The following SREBF2 variants were observed in gnomAD, a reference collection of about 807,000 sequenced individuals.
SREBF2 encodes sterol regulatory element binding transcription factor 2, also known as sterol regulatory element-binding protein 2.
A neutral mutation model predicts 113.1 loss-of-function variants in SREBF2; 55 were observed. The ratio of observed to expected loss-of-function variants is 0.49; its 90% CI spans 0.39 to 0.61. SREBF2 has a LOEUF of 0.61. Ranked by LOEUF, SREBF2 falls within the 20% of genes least tolerant of loss-of-function variation. The probability of loss-of-function intolerance (pLI) is 0.00; values close to 1 mark genes in which losing one functional copy is unlikely to be tolerated. For synonymous variants in SREBF2, 593 were observed against 605.7 expected, an observed-to-expected ratio of 0.98 and a Z score of 0.31; for missense variants, 1,349 against 1,487.4, an observed-to-expected ratio of 0.91 and a Z score of 1.53.
chr22:41,858,588 A>G (rs985903001), intron 1 of SREBF2, among the ~76,000 whole-genome samples: 24 of 152,102 alleles, frequency 1.6e-4, no homozygotes, highest in Non-Finnish European at 2.9e-4. Flanking sequence ...CTTACAAATA[A>G]AAAATAAAAA....
At chr22:41,867,485 C>G (rs1024216908) in intron 2 of SREBF2, among the ~76,000 whole-genome samples, 1 of 152,160 alleles carries the variant, frequency 6.6e-6, no homozygotes, top group African/African-American at 2.4e-5. Flanking sequence ...ATATCTATTG[C>G]GCCTAATTCA....
At chr22:41,897,226 C>T in intron 14 of SREBF2, 65 bp downstream of exon 14, 1 of 1,120,608 alleles carries the variant, frequency 8.9e-7, no homozygotes, top group Non-Finnish European at 1.3e-6. Flanking sequence ...GTGCTTTTGC[C>T]CCAGGGGTCC....
At chr22:41,900,645 G>C (rs1602350020) in intron 16 of SREBF2, 147 bp downstream of exon 16, 2 of 812,456 alleles carry the variant, frequency 2.5e-6, no homozygotes, top group East Asian at 5.4e-5. Flanking sequence ...AAAAGTTACG[G>C]CTTATTGGCC....
intron 16 of SREBF2, among the ~76,000 whole-genome samples, chr22:41,901,412 G>A (rs913754523): frequency 6.6e-6 from 1 of 152,216 alleles, no homozygotes; most frequent in Non-Finnish European, 1.5e-5. Context: ...TGTAATCCCA[G>A]CACTTTGGGA....
chr22:41,891,338 A>G (rs2077360457), intron 11 of SREBF2: 1 of 152,196 alleles, frequency 6.6e-6, no homozygotes, highest in Admixed American at 6.5e-5. Context: ...ATCCAGTATC[A>G]ACACTGGTTA....
chr22:41,890,741 C>G (rs1488024544), intron 11 of SREBF2, among the ~76,000 whole-genome samples: 2 of 151,186 alleles, frequency 1.3e-5, no homozygotes, highest in African/African-American at 4.9e-5. Flanking sequence ...AACCCTGTCT[C>G]TACTAAAAAT....
intron 4 of SREBF2, 21 bp downstream of exon 4, chr22:41,871,056 C>A (rs773022201): frequency 1.9e-6 from 3 of 1,613,846 alleles, no homozygotes; most frequent in African/African-American, 2.7e-5. Context: ...CCTTCTCCCC[C>A]ACCCTCCTCC....
At chr22:41,881,544 C>A (rs369702463) in intron 10 of SREBF2, among the ~76,000 whole-genome samples, 4 of 152,324 alleles carry the variant, frequency 2.6e-5, no homozygotes, top group African/African-American at 9.6e-5. Context: ...AGGTCACCAG[C>A]TCTGCAGGAG....
chr22:41,837,920 T>TA (rs1279847332), intron 1 of SREBF2, among the ~76,000 whole-genome samples: 9 of 150,586 alleles, frequency 6.0e-5, no homozygotes, highest in Non-Finnish European at 1.0e-4. Flanking sequence ...TTGGCTCATT[T>TA]AAAAAAAAAG....
At position 41,907,199 on chromosome 22, in the gene SREBF2, G is replaced by C. The variant is rs2077517012; in HGVS notation, c.*1539G>C. The C allele has an allele frequency of 6.6e-6, 1 of 152,218 alleles. No homozygotes were observed. Among genetic ancestry groups the C allele is most frequent in the Admixed American group, 6.5e-5 (1 of 15,274 alleles). 9.4% of individuals were successfully genotyped at this position (152,218 alleles called of 1,614,324 possible). A position where few individuals can be genotyped will look rare whatever the true frequency, so the allele number is the denominator to read the frequency against. ...TCACTATTGTTTGGGTGTGGGAGGG[G>C]GTGGTTTTTCACTGAAAAGGGGGGT... On this transcript the variant is annotated 3_prime_UTR_variant, in exon 19 of 19. Transcript: ENST00000361204.
chr22:41,863,378 G>A (rs2148370721), intron 1 of SREBF2, among the ~76,000 whole-genome samples: 1 of 152,336 alleles, frequency 6.6e-6, no homozygotes, highest in South Asian at 2.1e-4. Flanking sequence ...CTGTCGGCCA[G>A]TGTGTGATAT....
intron 10 of SREBF2, among the ~76,000 whole-genome samples, chr22:41,884,356 C>T (rs1005227499): frequency 6.6e-6 from 1 of 152,188 alleles, no homozygotes; most frequent in Non-Finnish European, 1.5e-5. Flanking sequence ...AGGCTGGTCT[C>T]GAACTCCTGA....
intron 1 of SREBF2, among the ~76,000 whole-genome samples, chr22:41,839,777 G>T (rs2076810260): frequency 6.6e-6 from 1 of 152,088 alleles, no homozygotes. Context: ...TTCAGTTGGT[G>T]GACATTTGGG....
intron 2 of SREBF2, among the ~76,000 whole-genome samples, chr22:41,868,011 T>C (rs1478360517): frequency 6.6e-6 from 1 of 152,174 alleles, no homozygotes; most frequent in Admixed American, 6.6e-5. Context: ...CAGCTTCAAG[T>C]AGCAAGCCTC....
In SREBF2 at chr22:41,833,654, G is replaced by C; in HGVS notation, c.88+296G>C. On this transcript the variant is annotated intron_variant, in intron 1 of 18. Transcript: ENST00000361204. This position sits in a 1 kb window ranked among gnomAD's most constrained non-coding sequence, Gnocchi z 4.1. ...ACGTCGCGGGGGCGTCTCAGGGAGC[G>C]GCCTAAGGAGAGCGCGTGGCCGCCG... 1 of 301,940 alleles carries C rather than the reference G, an allele frequency of 3.3e-6. No homozygotes were observed. Among genetic ancestry groups the C allele is most frequent in the Non-Finnish European group, 6.1e-6 (1 of 164,006 alleles). The allele number at this position is 301,940 out of a possible 1,614,324, so 18.7% of individuals were successfully genotyped here.
rs776726052 is a variant in SREBF2 at position 41,904,866 on chromosome 22, T to C, written c.3097T>C (p.Phe1033Leu). Reference protein sequence around the residue: ...HSFRPAYRKVFLHEATVRLMA... With the variant: ...HSFRPAYRKVLLHEATVRLMA... ...TGTCACCCCGGCACCTCCCCAGGTG[T>C]TCCTGCATGAAGCCACCGTGCGCCT... The change falls in exon 18 of 19, where the codon TTC becomes CTC. Residue 1033 changes from phenylalanine to leucine, a missense_variant. This residue lies in a region of SREBF2 where 650 missense variants were observed against 644.1 expected (regional missense o/e 1.01). Coordinates refer to ENST00000361204, the MANE Select transcript of SREBF2 (RefSeq NM_004599.4). The C allele has an allele frequency of 1.9e-6, 3 of 1,591,506 alleles. No individual in the cohort carries two copies. In the African/African-American group the frequency reaches 4.0e-5, roughly 21 times the overall value.
rs908637585 is a variant in SREBF2 at position 41,851,020 on chromosome 22, C to A, written c.89-15811C>A. Among the ~76,000 whole-genome samples the A allele has an allele frequency of 9.2e-5, 14 of 152,092 alleles. No homozygotes were observed. The East Asian group carries it at 2.1e-3, about 23-fold the overall frequency. ...CCTCCCAAAGTGCTGGGATTACAGG[C>A]GTGAGCCACCAAGCCCGGCCAGTTT... On this transcript the variant is annotated intron_variant, in intron 1 of 18. Transcript: ENST00000361204.
At chr22:41,871,689 T>G (rs1292320765) in intron 4 of SREBF2, among the ~76,000 whole-genome samples, 1 of 150,538 alleles carries the variant, frequency 6.6e-6, no homozygotes, top group African/African-American at 2.5e-5. Flanking sequence ...GTCAGGAGTT[T>G]GAGACCAGCC....
At chr22:41,841,659 G>C (rs1053610339) in intron 1 of SREBF2, among the ~76,000 whole-genome samples, 5 of 151,970 alleles carry the variant, frequency 3.3e-5, no homozygotes, top group African/African-American at 4.8e-5. Context: ...TTCTCAACTA[G>C]ATCATTTCAC....
Sources: allele counts gnomAD v4.1 joint callset (sites outside exome capture counted in the v4.1 genomes callset), GRCh38; gene constraint gnomAD v4.1.1; regional missense constraint gnomAD v4.1.1; non-coding constraint Gnocchi (gnomAD v3.1); transcripts MANE v1.5; gene names NCBI Gene and HGNC (gene_info 2026-07-23, HGNC 2026-07-21).